Variants in CSMD1 observed in about 807,000 individuals in gnomAD.
CSMD1 encodes CUB and Sushi multiple domains 1, also known as CUB and sushi domain-containing protein 1.
Under a neutral mutation model 417.5 loss-of-function variants are expected in CSMD1, and 213 were observed. The observed-to-expected ratio is 0.51, with a 90% CI of 0.46 to 0.57. The LOEUF is 0.57. Ranked by LOEUF, CSMD1 falls within the 20% of genes least tolerant of loss-of-function variation. The pLI, the probability that CSMD1 is intolerant of heterozygous loss-of-function variation, is 0.00. For synonymous variants in CSMD1, 2,862 were observed against 1,736.8 expected (o/e 1.65, Z -16.11); for missense variants, 6,923 against 4,529.7 (o/e 1.53, Z -15.17).
intron 1 of CSMD1, among the ~76,000 whole-genome samples, chr8:4,828,027 C>A (rs1267574249): frequency 6.6e-6 from 1 of 152,026 alleles, no homozygotes; most frequent in Non-Finnish European, 1.5e-5. Context: ...ATATTTAAGC[C>A]AGCTACAATC....
chr8:4,578,599 G>C (rs769418063), intron 2 of CSMD1, among the ~76,000 whole-genome samples: 3 of 151,168 alleles, frequency 2.0e-5, no homozygotes, highest in Non-Finnish European at 1.5e-5. Flanking sequence ...GGCGGTTCAC[G>C]AGGTCAGGAG....
In CSMD1 at chr8:3,974,196, G is replaced by C. The variant is rs1199854773; in HGVS notation, c.818+23707C>G. 5.9e-5 allele frequency among the ~76,000 whole-genome samples: 9 copies of C among 152,136 alleles called. No individual in the cohort carries two copies. The East Asian group carries it at 1.4e-3, about 23-fold the overall frequency. On this transcript the variant is annotated intron_variant, in intron 5 of 69. Coordinates refer to ENST00000635120, the MANE Select transcript of CSMD1 (RefSeq NM_033225.6). ...CACCCCCACAGTTTATTAGCTGAAA[G>C]ATCAAAGCCAGGAAACCTTTCATAA...
At chr8:4,706,071 T>C (rs1324832031) in intron 1 of CSMD1, among the ~76,000 whole-genome samples, 1 of 150,734 alleles carries the variant, frequency 6.6e-6, no homozygotes, top group Non-Finnish European at 1.5e-5. Flanking sequence ...CAATACATGA[T>C]ACATAAAATT....
At chr8:4,418,550 G>T (rs1797075279) in intron 3 of CSMD1, among the ~76,000 whole-genome samples, 1 of 152,144 alleles carries the variant, frequency 6.6e-6, no homozygotes, top group Non-Finnish European at 1.5e-5. Context: ...CTAAAATGTG[G>T]AAGCATTATC....
At chr8:4,150,661 G>C (rs891553148) in intron 3 of CSMD1, among the ~76,000 whole-genome samples, 5 of 152,136 alleles carry the variant, frequency 3.3e-5, no homozygotes, top group Admixed American at 1.3e-4. Flanking sequence ...AAATGGTTAG[G>C]GTGCAGATAA....
At chr8:4,535,164 C>T (rs1376885226) in intron 2 of CSMD1, among the ~76,000 whole-genome samples, 2 of 152,094 alleles carry the variant, frequency 1.3e-5, no homozygotes, top group African/African-American at 4.8e-5. Flanking sequence ...TTATATAATG[C>T]AGTATAATCT....
In CSMD1 at chr8:4,788,768, AT is replaced by A. The variant is rs530783645; in HGVS notation, c.86-151211del. Among the ~76,000 whole-genome samples, 64 of 152,320 alleles carry A rather than the reference AT, an allele frequency of 4.2e-4. 1 individual carries two copies. Among genetic ancestry groups the A allele is most frequent in the South Asian group, 2.9e-3 (14 of 4,828 alleles). ...GAAAACCTAAAAAAAATAAAAAAAA[AT>A]AAAGGGAAACTATCATGCTTAACTT... On this transcript the variant is annotated intron_variant, in intron 1 of 69. Transcript: ENST00000635120.
chr8:3,919,077 G>T (rs936033325), intron 5 of CSMD1, among the ~76,000 whole-genome samples: 1 of 151,108 alleles, frequency 6.6e-6, no homozygotes. Flanking sequence ...CATTCCATAG[G>T]GTGATTTTTC....
At chr8:3,872,388 C>G (rs915536341) in intron 5 of CSMD1, among the ~76,000 whole-genome samples, 1 of 152,140 alleles carries the variant, frequency 6.6e-6, no homozygotes, top group African/African-American at 2.4e-5. Flanking sequence ...TTCAGTGACT[C>G]TCAACTGTTC....
At chr8:3,334,856 G>A (rs1490883938) in intron 23 of CSMD1, among the ~76,000 whole-genome samples, 2 of 152,224 alleles carry the variant, frequency 1.3e-5, no homozygotes, top group Non-Finnish European at 2.9e-5. Flanking sequence ...ACTGCAGGTG[G>A]CAGCACAGCC....
chr8:3,094,381 A>G (rs1404773764), intron 47 of CSMD1, among the ~76,000 whole-genome samples: 1 of 152,218 alleles, frequency 6.6e-6, no homozygotes, highest in Non-Finnish European at 1.5e-5. Context: ...CTGGGATTAC[A>G]GGCGTGAGCC....
At chr8:3,296,399 G>C (rs1033832464) in intron 25 of CSMD1, among the ~76,000 whole-genome samples, 1 of 152,102 alleles carries the variant, frequency 6.6e-6, no homozygotes, top group South Asian at 2.1e-4. Context: ...GAGAAGAATG[G>C]GGGTTGTGAA....
At chr8:4,235,680 A>G (rs187026692) in intron 3 of CSMD1, among the ~76,000 whole-genome samples, 1,829 of 152,282 alleles carry the variant, frequency 0.012, 20 homozygotes, top group South Asian at 0.019. Flanking sequence ...GCCTGTTGCC[A>G]TGTTTTCCTG....
intron 3 of CSMD1, among the ~76,000 whole-genome samples, chr8:4,084,670 G>C (rs1800325073): frequency 1.3e-5 from 2 of 152,172 alleles, no homozygotes; most frequent in South Asian, 4.2e-4. Context: ...AAGACCAGTA[G>C]GGAAAGCACT....
chr8:4,271,409 G>T (rs533361489), intron 3 of CSMD1, among the ~76,000 whole-genome samples: 2 of 152,102 alleles, frequency 1.3e-5, no homozygotes, highest in East Asian at 3.9e-4. Flanking sequence ...TTTGCCTGAT[G>T]CCCTGTTTGA....
At chr8:3,845,872 G>A (rs10092976) in intron 5 of CSMD1, among the ~76,000 whole-genome samples, 43,888 of 150,704 alleles carry the variant, frequency 0.29, 6,469 homozygotes, top group Non-Finnish European at 0.32. Flanking sequence ...TAAAAATGAA[G>A]ACACAAACAC....
intron 26 of CSMD1, among the ~76,000 whole-genome samples, chr8:3,250,191 A>C (rs1032364113): frequency 1.3e-5 from 2 of 152,180 alleles, no homozygotes; most frequent in African/African-American, 4.8e-5. Context: ...TATGTCTCCA[A>C]ATACTATCCC....
At chr8:4,410,940 T>C (rs13258111) in intron 3 of CSMD1, among the ~76,000 whole-genome samples, 29,426 of 152,084 alleles carry the variant, frequency 0.19, 2,937 homozygotes, top group East Asian at 0.28. Context: ...CTAGATTTGT[T>C]CTAGTGGGAC....
chr8:4,040,463 G>A (rs1198779388), intron 3 of CSMD1, among the ~76,000 whole-genome samples: 1 of 152,134 alleles, frequency 6.6e-6, no homozygotes, highest in Non-Finnish European at 1.5e-5. Context: ...TATGATGATG[G>A]ATTCAGAATC....
Sources: gnomAD v4.1 joint callset for allele counts (sites outside exome capture counted in the v4.1 genomes callset) on GRCh38, gnomAD v4.1.1 for gene constraint, MANE v1.5 for transcripts, NCBI Gene and HGNC (gene_info 2026-07-23, HGNC 2026-07-21) for gene names.